The following PRKCA variants were observed in gnomAD, a reference collection of about 807,000 sequenced individuals.
The protein encoded by PRKCA is protein kinase C alpha.
A neutral mutation model predicts 87.0 loss-of-function variants in PRKCA; 27 were observed. The ratio of observed to expected loss-of-function variants is 0.31; its 90% confidence interval spans 0.23 to 0.43. The LOEUF (loss-of-function observed/expected upper bound fraction) is 0.43, where lower values mean the gene tolerates loss of function less well. Ranked by LOEUF, PRKCA falls within the 20% of genes least tolerant of loss-of-function variation. The probability of loss-of-function intolerance (pLI) is 1.00; values close to 1 mark genes in which losing one functional copy is unlikely to be tolerated. For missense variants in PRKCA, 518 were observed against 852.3 expected (o/e 0.61, Z 4.88); for synonymous variants, 329 against 311.1 (o/e 1.06, Z -0.61).
At chr17:66,673,177 A>G (rs1006360687) in intron 5 of PRKCA, among the ~76,000 whole-genome samples, 1 of 152,218 alleles carries the variant, frequency 6.6e-6, no homozygotes, top group Non-Finnish European at 1.5e-5. Flanking sequence ...TAATTGTAAA[A>G]GGGAAAGTAA....
At chr17:66,594,195 A>G (rs2143556662) in intron 3 of PRKCA, among the ~76,000 whole-genome samples, 1 of 152,310 alleles carries the variant, frequency 6.6e-6, no homozygotes, top group East Asian at 1.9e-4. Flanking sequence ...CCACTGGAGT[A>G]TTTCACAGGG....
At chr17:66,780,537 G>A (rs576690520) in intron 14 of PRKCA, among the ~76,000 whole-genome samples, 80 of 152,054 alleles carry the variant, frequency 5.3e-4, no homozygotes, top group African/African-American at 1.8e-3. Flanking sequence ...TTAGTTGGGC[G>A]TGGTGGTGCA....
At chr17:66,779,197 CTT>C (rs1247390097) in intron 14 of PRKCA, among the ~76,000 whole-genome samples, 2 of 152,304 alleles carry the variant, frequency 1.3e-5, no homozygotes, top group Non-Finnish European at 2.9e-5. Context: ...AGTTTGTCCT[CTT>C]TAATCGCAGA....
intron 2 of PRKCA, among the ~76,000 whole-genome samples, chr17:66,366,437 G>A (rs985498669): frequency 5.3e-5 from 8 of 152,126 alleles, no homozygotes; most frequent in Non-Finnish European, 8.8e-5. Flanking sequence ...TGCCTTTGTG[G>A]TCTTATTTTC....
At chr17:66,451,852 C>T (rs893604364) in intron 2 of PRKCA, among the ~76,000 whole-genome samples, 1 of 152,172 alleles carries the variant, frequency 6.6e-6, no homozygotes, top group Admixed American at 6.5e-5. Context: ...ATTTGGCTAA[C>T]TCTAGGGTGA....
chr17:66,807,927 A>T lies in PRKCA; in HGVS notation c.*3890A>T, dbSNP rs1441579683. 6.6e-6 allele frequency: 1 copy of T among 152,370 alleles called. No individual in the cohort carries two copies. The highest frequency in any genetic ancestry group is 1.9e-4 in the East Asian group (1 of 5,200). The allele number at this position is 152,370 out of a possible 1,614,324, so 9.4% of individuals were successfully genotyped here. A position where few individuals can be genotyped will look rare whatever the true frequency, so the allele number is the denominator to read the frequency against. On this transcript the variant is annotated 3_prime_UTR_variant, in exon 17 of 17. Coordinates refer to ENST00000413366, the MANE Select transcript of PRKCA (RefSeq NM_002737.3). This position sits in a 1 kb window ranked among gnomAD's most constrained non-coding sequence, Gnocchi z 4.3. ...AGGGAGAGGAAGGGGTGCCACCGTCAACGGCTTCCCATCGGAGGTGGTTGG... is the reference window on the plus strand; with the variant it reads ...AGGGAGAGGAAGGGGTGCCACCGTCTACGGCTTCCCATCGGAGGTGGTTGG...
At chr17:66,342,414 T>A (rs1330244767) in intron 2 of PRKCA, among the ~76,000 whole-genome samples, 1 of 148,230 alleles carries the variant, frequency 6.7e-6, no homozygotes, top group Non-Finnish European at 1.5e-5. Context: ...AGAGTGAGAC[T>A]CCATCTCAAA....
chr17:66,313,239 C>T (rs1346500041), intron 2 of PRKCA, among the ~76,000 whole-genome samples: 4 of 152,122 alleles, frequency 2.6e-5, no homozygotes, highest in East Asian at 1.9e-4. Flanking sequence ...GCATTCATAA[C>T]CAGAAAGATC....
chr17:66,618,495 GT>G (rs1283130325), intron 3 of PRKCA, among the ~76,000 whole-genome samples: 4 of 151,932 alleles, frequency 2.6e-5, no homozygotes, highest in Non-Finnish European at 5.9e-5. Context: ...AACATTAACT[GT>G]TTTGGGGCCC....
intron 2 of PRKCA, among the ~76,000 whole-genome samples, chr17:66,489,138 T>G (rs1025828955): frequency 1.6e-4 from 24 of 152,012 alleles, no homozygotes; most frequent in Non-Finnish European, 2.8e-4. Context: ...TCTTCTCTTC[T>G]AAGCAAAGTC....
chr17:66,664,741 T>G (rs570523467), intron 5 of PRKCA, among the ~76,000 whole-genome samples: 3 of 143,032 alleles, frequency 2.1e-5, no homozygotes, highest in East Asian at 2.2e-4. Flanking sequence ...GCAGCCATGA[T>G]GAGCTGCCGG....
chr17:66,410,006 C>T (rs950793827), intron 2 of PRKCA, among the ~76,000 whole-genome samples: 2 of 152,200 alleles, frequency 1.3e-5, no homozygotes, highest in South Asian at 4.1e-4. Context: ...TTCACTCGTT[C>T]GTTTGTGTGT....
At chr17:66,563,997 TCCTTCCTC>T (rs1178979323) in intron 3 of PRKCA, among the ~76,000 whole-genome samples, 1 of 139,352 alleles carries the variant, frequency 7.2e-6, no homozygotes, top group Non-Finnish European at 1.5e-5. Flanking sequence ...CTTCCTTCCT[TCCTTCCTC>T]CTTTCTTTCT....
intron 2 of PRKCA, among the ~76,000 whole-genome samples, chr17:66,450,719 GA>G (rs1188040170): frequency 4.6e-5 from 7 of 152,192 alleles, no homozygotes; most frequent in Non-Finnish European, 1.0e-4. Context: ...TGCTTTCACA[GA>G]AGGTAATTAC....
chr17:66,526,845 A>G (rs73338578), intron 3 of PRKCA, among the ~76,000 whole-genome samples: 8,720 of 152,250 alleles, frequency 0.057, 825 homozygotes, highest in African/African-American at 0.2. Context: ...AGATGAGCAG[A>G]GAGGTAAATT....
chr17:66,633,837 A>G lies in PRKCA; in HGVS notation c.289-7518A>G, dbSNP rs2143760632. Among the ~76,000 whole-genome samples the G allele has an allele frequency of 3.9e-5, 6 of 152,334 alleles. 1 individual carries two copies. In the Middle Eastern group the frequency reaches 0.014, roughly 345 times the overall value. On this transcript the variant is annotated intron_variant, in intron 3 of 16. Transcript: ENST00000413366. ...ATTGGTTGCCTGCCTCCTGGTGTGA[A>G]GGGAGCGTTAACTCCTCTAGAGATT...
intron 13 of PRKCA, among the ~76,000 whole-genome samples, chr17:66,748,409 T>A (rs1396068445): frequency 6.6e-6 from 1 of 152,038 alleles, no homozygotes; most frequent in Non-Finnish European, 1.5e-5. Flanking sequence ...AGGTCAAGAG[T>A]CCTATTAATA....
At chr17:66,740,646 C>T (rs1436780230) in intron 11 of PRKCA, among the ~76,000 whole-genome samples, 1 of 152,128 alleles carries the variant, frequency 6.6e-6, no homozygotes, top group Non-Finnish European at 1.5e-5. Flanking sequence ...TCCTTTTCTT[C>T]TGTCTTATGT....
chr17:66,803,745 G>C lies in PRKCA; in HGVS notation c.1855-128G>C. 2 of 1,312,014 alleles carry C rather than the reference G, an allele frequency of 1.5e-6. No homozygotes were observed. The highest frequency in any genetic ancestry group is 2.1e-6 in the Non-Finnish European group (2 of 970,398). 81.3% of individuals were successfully genotyped at this position (1,312,014 alleles called of 1,614,324 possible). A position where few individuals can be genotyped will look rare whatever the true frequency, so the allele number is the denominator to read the frequency against. ...AATCCAATAGGCCTGCAAGTCCTCC[G>C]AGATTCCTCCTCCTAACCAGCCCGG... is the stretch of plus-strand genomic sequence containing the variant. On this transcript the variant is annotated intron_variant, in intron 16 of 16. Coordinates refer to ENST00000413366, the MANE Select transcript of PRKCA (RefSeq NM_002737.3). The surrounding 1 kb of genome is among the most constrained non-coding windows in gnomAD (Gnocchi z 4.4).
Sources: gnomAD v4.1 joint callset for allele counts (sites outside exome capture counted in the v4.1 genomes callset) on GRCh38, gnomAD v4.1.1 for gene constraint, Gnocchi (gnomAD v3.1) non-coding constraint, MANE v1.5 for transcripts, NCBI Gene and HGNC (gene_info 2026-07-23, HGNC 2026-07-21) for gene names.